Variants in SACS observed in about 807,000 individuals in gnomAD.
SACS encodes sacsin molecular chaperone.
Under a neutral mutation model 348.0 loss-of-function variants are expected in SACS, and 197 were observed. The observed-to-expected ratio is 0.57, with a 90% confidence interval of 0.50 to 0.64. The LOEUF is 0.64. Among genes scored for constraint, SACS ranks in the 30% least tolerant of loss-of-function variants. The pLI is 0.00. For missense variants in SACS, 4,999 were observed against 5,360.8 expected (o/e 0.93, Z 2.11); for synonymous variants, 1,985 against 1,910.6 (o/e 1.04, Z -1.02).
intron 2 of SACS, among the ~76,000 whole-genome samples, chr13:23,403,006 C>T (rs967232044): frequency 2.5e-4 from 38 of 151,986 alleles, no homozygotes; most frequent in African/African-American, 8.7e-4. Flanking sequence ...GAAACCCTGT[C>T]TCTACTAAAA....
intron 5 of SACS, among the ~76,000 whole-genome samples, chr13:23,366,027 G>A (rs903200700): frequency 1.8e-4 from 28 of 152,252 alleles, no homozygotes; most frequent in Admixed American, 4.6e-4. Flanking sequence ...GCTGGGCTCC[G>A]TTCAGTTTGA....
Position 23,332,307 on chromosome 13 carries a change from A to G in SACS, c.11569T>C (p.Leu3857=). ...IISTKQYVEV[L]SRIFKNSEGK... ...TCAGAATTTTTAAATATGCGGCTCAACACTTCAACATATTGCTTAGTTGAA... is the reference window on the plus strand; with the variant it reads ...TCAGAATTTTTAAATATGCGGCTCAGCACTTCAACATATTGCTTAGTTGAA... The change falls in exon 10 of 10, where the codon TTG becomes CTG. Residue 3857 remains leucine (L), a synonymous_variant. Transcript: ENST00000382292. 6.2e-7 allele frequency: 1 copy of G among 1,614,038 alleles called. No homozygotes were observed. The highest frequency in any genetic ancestry group is 8.5e-7 in the Non-Finnish European group (1 of 1,179,940).
At chr13:23,388,013 A>T (rs1872365025) in intron 2 of SACS, among the ~76,000 whole-genome samples, 1 of 152,222 alleles carries the variant, frequency 6.6e-6, no homozygotes, top group African/African-American at 2.4e-5. Flanking sequence ...GTAAATTAGT[A>T]CAACCTCTAC....
intron 6 of SACS, among the ~76,000 whole-genome samples, chr13:23,361,608 C>G (rs1467941915): frequency 2.6e-5 from 4 of 152,064 alleles, no homozygotes; most frequent in African/African-American, 9.7e-5. Flanking sequence ...GAAACCCCGT[C>G]TCTACTAAAA....
intron 9 of SACS, among the ~76,000 whole-genome samples, chr13:23,346,630 T>TA (rs1869625742): frequency 6.6e-6 from 1 of 150,688 alleles, no homozygotes; most frequent in Admixed American, 6.7e-5. Context: ...GTGGTATTTG[T>TA]AATAATAAAA....
intron 2 of SACS, among the ~76,000 whole-genome samples, chr13:23,409,536 C>CGGGGTTTTGCCATGTTGGTCAGGCTA (rs1873400064): frequency 6.7e-6 from 1 of 149,958 alleles, no homozygotes; most frequent in South Asian, 2.1e-4. Flanking sequence ...TTAGTAAAGA[C>CGGGGTTTTGCCATGTTGGTCAGGCTA]GGGGTTTTGC....
Position 23,354,862 on chromosome 13 carries a change from A to C in SACS, c.1750T>G (p.Leu584Val), listed in dbSNP as rs1452071629. The C allele has an allele frequency of 1.2e-6, 2 of 1,614,044 alleles. No individual in the cohort carries two copies. Among genetic ancestry groups the C allele is most frequent in the Non-Finnish European group, 1.7e-6 (2 of 1,180,040 alleles). ...QVYFSELDEN[L>V]EYTKTVLNYL... ...TTGAGCACAGTTTTTGTGTATTCTA[A>C]ATTTTCATCAAGTTCTGAGAAGTAC... The change falls in exon 8 of 10, where the codon TTA (leucine) becomes GTA (valine). Residue 584 changes from leucine to valine, a missense_variant. Leu to Val is a conservative substitution (Grantham distance 32, BLOSUM62 1). Around this residue, in one of 6 missense-constraint regions of SACS, gnomAD observed 3,156 missense variants for 3,380.1 expected, o/e 0.93. Coordinates refer to ENST00000382292, the MANE Select transcript of SACS (RefSeq NM_014363.6).
intron 4 of SACS, among the ~76,000 whole-genome samples, chr13:23,370,813 A>G (rs1871341331): frequency 1.3e-5 from 2 of 152,204 alleles, no homozygotes; most frequent in South Asian, 4.1e-4. Context: ...AAATGTAAAA[A>G]TTAGCTGGGC....
chr13:23,368,272 G>C, intron 5 of SACS, 130 bp downstream of exon 5: 1 of 650,490 alleles, frequency 1.5e-6, no homozygotes, highest in East Asian at 2.7e-5. Context: ...TGCAGCCACA[G>C]AGGTATAATA....
chr13:23,398,148 G>A (rs187515218), intron 2 of SACS, among the ~76,000 whole-genome samples: 79 of 151,936 alleles, frequency 5.2e-4, no homozygotes, highest in Non-Finnish European at 1.1e-3. Flanking sequence ...CCAAGATCAC[G>A]CCATTGCACT....
chr13:23,418,440 T>G (rs960537341), intron 1 of SACS, among the ~76,000 whole-genome samples: 1 of 152,330 alleles, frequency 6.6e-6, no homozygotes, highest in South Asian at 2.1e-4. Flanking sequence ...TAGACATATA[T>G]GTTTGTTTCC....
chr13:23,387,463 G>GA (rs60355580), intron 2 of SACS, among the ~76,000 whole-genome samples: 38,508 of 90,554 alleles, frequency 0.43, 8,419 homozygotes, highest in East Asian at 0.55. Context: ...CTCCGTCTCA[G>GA]AAAAAAAAAA....
At chr13:23,407,259 C>T (rs940126051) in intron 2 of SACS, among the ~76,000 whole-genome samples, 2 of 152,142 alleles carry the variant, frequency 1.3e-5, no homozygotes, top group African/African-American at 2.4e-5. Context: ...AGTGCAGTGG[C>T]GCAATCTCGG....
At chr13:23,343,922 G>T (rs192073005) in intron 9 of SACS, among the ~76,000 whole-genome samples, 1 of 152,214 alleles carries the variant, frequency 6.6e-6, no homozygotes, top group African/African-American at 2.4e-5. Flanking sequence ...GCACACTTTT[G>T]CAACTTTAGG....
chr13:23,385,841 A>T (rs1566096533), intron 2 of SACS, among the ~76,000 whole-genome samples: 1 of 152,226 alleles, frequency 6.6e-6, no homozygotes, highest in Admixed American at 6.5e-5. Context: ...TGCAGAATGG[A>T]TGCTGTGTTA....
At chr13:23,349,286 C>T (rs1198152661) in intron 9 of SACS, among the ~76,000 whole-genome samples, 2 of 152,112 alleles carry the variant, frequency 1.3e-5, no homozygotes, top group African/African-American at 4.8e-5. Context: ...CTGTGGGGAA[C>T]AAAGAAGAAA....
chr13:23,422,256 C>T (rs533174644), intron 1 of SACS, among the ~76,000 whole-genome samples: 40 of 152,206 alleles, frequency 2.6e-4, no homozygotes, highest in East Asian at 5.8e-4. Flanking sequence ...GAAAATTCAG[C>T]CCAATAACTA....
rs201711319 is a variant in SACS, at chr13:23,335,964, A to G, written c.7912T>C (p.Phe2638Leu). The G allele has an allele frequency of 2.5e-5, 40 of 1,612,722 alleles. No individual in the cohort carries two copies. The highest frequency in any genetic ancestry group is 4.0e-5 in the African/African-American group (3 of 75,018). ...SVYHITDCPS[F>L]ISGNDILCIF... ...CACAGGATGTCATTGCCAGAAATAA[A>G]AGATGGGCAGTCTGTGATATGATAC... Residue 2638 changes from phenylalanine (F) to leucine (L), a missense_variant, in exon 10 of 10, where the codon TTT becomes CTT. This residue lies in a region of SACS where 3,156 missense variants were observed against 3,380.1 expected (regional missense o/e 0.93). Coordinates refer to ENST00000382292, the MANE Select transcript of SACS (RefSeq NM_014363.6). The surrounding 1 kb of genome is among the most constrained non-coding windows in gnomAD (Gnocchi z 4.7).
chr13:23,335,860 T>C lies in SACS; in HGVS notation c.8016A>G (p.Ala2672=). 2 of 1,613,956 alleles carry C rather than the reference T, an allele frequency of 1.2e-6. No individual in the cohort carries two copies. The highest frequency in any genetic ancestry group is 1.7e-4 in the Middle Eastern group (1 of 6,060). ...CATCTGAGAACTGTGTCCTAAAATC[T>C]GCATCCAAATCTCTAAACATGCGTC... ...SPGRMFRDLD[A]DFRTQFSDVL... The change falls in exon 10 of 10, where the codon GCA becomes GCG. Residue 2672 remains alanine, a synonymous_variant. Coordinates refer to ENST00000382292, the MANE Select transcript of SACS (RefSeq NM_014363.6). This position sits in a 1 kb window ranked among gnomAD's most constrained non-coding sequence, Gnocchi z 4.7.
Sources: gnomAD v4.1 joint callset for allele counts (sites outside exome capture counted in the v4.1 genomes callset) on GRCh38, gnomAD v4.1.1 for gene constraint, gnomAD v4.1.1 regional missense constraint, Gnocchi (gnomAD v3.1) non-coding constraint, MANE v1.5 for transcripts, NCBI Gene and HGNC (gene_info 2026-07-23, HGNC 2026-07-21) for gene names.